Variants in DHRS7B observed in about 807,000 individuals in gnomAD.
DHRS7B encodes dehydrogenase/reductase 7B.
DHRS7B carries 24 observed loss-of-function variants against 26.4 expected under a neutral mutation model. The observed-to-expected ratio is 0.91, with a 90% confidence interval of 0.66 to 1.28. DHRS7B has a LOEUF of 1.28. DHRS7B is among the 50% of genes most tolerant of loss of function. The pLI, the probability that DHRS7B is intolerant of heterozygous loss-of-function variation, is 0.00. For synonymous variants in DHRS7B, 142 were observed against 166.4 expected, an observed-to-expected ratio of 0.85 and a Z score of 1.13; for missense variants, 368 against 419.4, an observed-to-expected ratio of 0.88 and a Z score of 1.07.
intron 1 of DHRS7B, among the ~76,000 whole-genome samples, chr17:21,152,865 T>C (rs568765082): frequency 5.5e-4 from 84 of 152,292 alleles, no homozygotes; most frequent in African/African-American, 1.9e-3. Flanking sequence ...AATTTATAGT[T>C]CACAGGCTCA....
At chr17:21,187,112 T>TATATATATATATATAA (rs1283365408) in intron 5 of DHRS7B, among the ~76,000 whole-genome samples, 3 of 146,702 alleles carry the variant, frequency 2.0e-5, no homozygotes, top group African/African-American at 7.7e-5. Flanking sequence ...TATATATATA[T>TATATATATATATATAA]AAAATATATA....
chr17:21,141,640 A>AAAAAAAAAAAAAAGG, intron 1 of DHRS7B, among the ~76,000 whole-genome samples: 1 of 90,078 alleles, frequency 1.1e-5, no homozygotes, highest in Admixed American at 1.4e-4. Flanking sequence ...AAAAAAAAAA[A>AAAAAAAAAAAAAAGG]CAACCTCATC....
At chr17:21,146,808 A>G (rs1316340802) in intron 1 of DHRS7B, among the ~76,000 whole-genome samples, 1 of 152,226 alleles carries the variant, frequency 6.6e-6, no homozygotes, top group Non-Finnish European at 1.5e-5. Flanking sequence ...AACTATAGCA[A>G]CTGACCCCAG....
intron 1 of DHRS7B, among the ~76,000 whole-genome samples, chr17:21,161,943 T>C (rs1169493556): frequency 6.6e-6 from 1 of 152,090 alleles, no homozygotes. Context: ...AGAGTTGTTA[T>C]ATAAACTTTC....
chr17:21,191,211 A>G lies in DHRS7B; in HGVS notation c.*58A>G, dbSNP rs111711075. On this transcript the variant is annotated 3_prime_UTR_variant, in exon 7 of 7. Coordinates refer to ENST00000395511, the MANE Select transcript of DHRS7B (RefSeq NM_015510.5). ...CAGCACTCTTAGGCTTGCTTACTCT[A>G]CAAGGGACAGTTGCATTTGTTGAGA... is the stretch of plus-strand genomic sequence containing the variant. 6 of 1,548,250 alleles carry G rather than the reference A, an allele frequency of 3.9e-6. No homozygotes were observed. Among genetic ancestry groups the G allele is most frequent in the Non-Finnish European group, 5.3e-6 (6 of 1,126,238 alleles).
rs146285566 is a variant in DHRS7B at position 21,172,089 on chromosome 17, G to T, written c.92G>T (p.Cys31Phe). 1.1e-5 allele frequency: 18 copies of T among 1,614,108 alleles called. No individual in the cohort carries two copies. In the African/African-American group the frequency reaches 1.2e-4, roughly 11 times the overall value. ...STAILPLLFGCLGVFGLFRLL... is the reference protein window; with the variant it reads ...STAILPLLFGFLGVFGLFRLL... The stretch of plus-strand genomic sequence containing the variant: ...GCCATCCTGCCCCTGCTGTTCGGCT[G>T]CCTGGGCGTCTTCGGCCTCTTCCGG... The change falls in exon 2 of 7, where the codon TGC (cysteine) becomes TTC (phenylalanine). Residue 31 changes from cysteine to phenylalanine, a missense_variant. Transcript: ENST00000395511.
At chr17:21,164,384 T>G (rs1241097374) in intron 1 of DHRS7B, among the ~76,000 whole-genome samples, 1 of 152,154 alleles carries the variant, frequency 6.6e-6, no homozygotes, top group Non-Finnish European at 1.5e-5. Flanking sequence ...TCTTAGATAC[T>G]CTAGTTGACG....
At chr17:21,173,971 C>T (rs1974317340) in intron 2 of DHRS7B, among the ~76,000 whole-genome samples, 1 of 152,176 alleles carries the variant, frequency 6.6e-6, no homozygotes, top group Admixed American at 6.5e-5. Flanking sequence ...CAGAAAATGT[C>T]ACGGAGGTCA....
At chr17:21,140,066 C>T (rs957636270) in intron 1 of DHRS7B, among the ~76,000 whole-genome samples, 1 of 130,380 alleles carries the variant, frequency 7.7e-6, no homozygotes, top group African/African-American at 2.9e-5. Flanking sequence ...ACTCTGTCGC[C>T]CAGGCTGGAG....
chr17:21,164,030 C>CTTTCTTTTTTTTT (rs1974055283), intron 1 of DHRS7B, among the ~76,000 whole-genome samples: 1 of 96,976 alleles, frequency 1.0e-5, no homozygotes, highest in African/African-American at 5.1e-5. Flanking sequence ...AATTGTTGTG[C>CTTTCTTTTTTTTT]TTTTTTTTTT....
At chr17:21,169,316 T>C (rs1316281044) in intron 1 of DHRS7B, among the ~76,000 whole-genome samples, 1 of 152,220 alleles carries the variant, frequency 6.6e-6, no homozygotes, top group African/African-American at 2.4e-5. Flanking sequence ...TCAGACAGTC[T>C]TGGGAGTCGG....
chr17:21,157,142 A>G (rs935743667), intron 1 of DHRS7B, among the ~76,000 whole-genome samples: 1 of 152,198 alleles, frequency 6.6e-6, no homozygotes, highest in African/African-American at 2.4e-5. Flanking sequence ...AATAATTAAG[A>G]AAGAATTATA....
chr17:21,130,499 A>G (rs1973206420), intron 1 of DHRS7B, among the ~76,000 whole-genome samples: 1 of 152,194 alleles, frequency 6.6e-6, no homozygotes, highest in Non-Finnish European at 1.5e-5. Context: ...TACTGTATTT[A>G]CTGGGTTTAA....
intron 1 of DHRS7B, among the ~76,000 whole-genome samples, chr17:21,135,886 G>A (rs1273785482): frequency 2.0e-5 from 3 of 152,136 alleles, no homozygotes; most frequent in African/African-American, 7.2e-5. Context: ...TAGTCCCTGG[G>A]CTTTGAGGAG....
chr17:21,166,617 T>G, intron 1 of DHRS7B: 1 of 307,024 alleles, frequency 3.3e-6, no homozygotes, highest in South Asian at 1.3e-4. Flanking sequence ...TTTCAAGATA[T>G]GGGTCATAAG....
chr17:21,167,343 C>A (rs1974137506), intron 1 of DHRS7B, among the ~76,000 whole-genome samples: 1 of 152,148 alleles, frequency 6.6e-6, no homozygotes, highest in Non-Finnish European at 1.5e-5. Context: ...ACTTTGCTAC[C>A]TTTGCACTCT....
At chr17:21,135,031 A>T (rs942073227) in intron 1 of DHRS7B, among the ~76,000 whole-genome samples, 18 of 152,194 alleles carry the variant, frequency 1.2e-4, no homozygotes, top group Non-Finnish European at 2.5e-4. Flanking sequence ...GTAGCTGATT[A>T]TAAAATCACC....
At chr17:21,158,477 A>C (rs566846178) in intron 1 of DHRS7B, among the ~76,000 whole-genome samples, 1 of 152,368 alleles carries the variant, frequency 6.6e-6, no homozygotes, top group East Asian at 1.9e-4. Flanking sequence ...GTGAACAAGT[A>C]GAATTTGAAA....
chr17:21,138,782 A>C (rs1973425228), intron 1 of DHRS7B, among the ~76,000 whole-genome samples: 1 of 152,096 alleles, frequency 6.6e-6, no homozygotes. Context: ...CTGTTTTTTT[A>C]GCAAGAATGT....
Sources: allele counts gnomAD v4.1 joint callset (sites outside exome capture counted in the v4.1 genomes callset), GRCh38; gene constraint gnomAD v4.1.1; transcripts MANE v1.5; gene names NCBI Gene and HGNC (gene_info 2026-07-23, HGNC 2026-07-21).